EPHA5: variants seen among roughly 807,000 people sequenced by gnomAD.
EPHA5 encodes the protein EPH receptor A5.
A neutral mutation model predicts 105.0 loss-of-function variants in EPHA5; 60 were observed. The ratio of observed to expected loss-of-function variants is 0.57; its 90% CI spans 0.46 to 0.71. The LOEUF is 0.71. Ranked by LOEUF, EPHA5 falls within the 30% of genes least tolerant of loss-of-function variation. The probability of loss-of-function intolerance (pLI) is 0.00; values close to 1 mark genes in which losing one functional copy is unlikely to be tolerated. For synonymous variants in EPHA5, 513 were observed against 449.1 expected, an observed-to-expected ratio of 1.14 and a Z score of -1.80; for missense variants, 1,218 against 1,274.7, an observed-to-expected ratio of 0.96 and a Z score of 0.68.
chr4:65,647,101 G>T (rs1196895683), intron 1 of EPHA5, among the ~76,000 whole-genome samples: 1 of 151,946 alleles, frequency 6.6e-6, no homozygotes, highest in African/African-American at 2.4e-5. Flanking sequence ...GGCTGAGGCG[G>T]GTGGATCATG....
At chr4:65,456,606 G>A (rs1727616858) in intron 5 of EPHA5, among the ~76,000 whole-genome samples, 1 of 152,062 alleles carries the variant, frequency 6.6e-6, no homozygotes. Context: ...TCTTGGAAAT[G>A]TTTAATTAAA....
intron 3 of EPHA5, among the ~76,000 whole-genome samples, chr4:65,572,389 G>A (rs781543733): frequency 3.9e-5 from 6 of 152,120 alleles, no homozygotes; most frequent in Non-Finnish European, 8.8e-5. Flanking sequence ...AGGCATGCTA[G>A]TGATGATTAT....
intron 11 of EPHA5, among the ~76,000 whole-genome samples, chr4:65,358,024 TATG>T (rs1723473870): frequency 1.3e-5 from 2 of 151,402 alleles, no homozygotes; most frequent in Admixed American, 1.3e-4. Context: ...TTTCTCAGAA[TATG>T]ATATCTGACA....
chr4:65,484,185 C>G (rs1360793758), intron 5 of EPHA5, among the ~76,000 whole-genome samples: 1 of 152,010 alleles, frequency 6.6e-6, no homozygotes, highest in Admixed American at 6.6e-5. Context: ...AGATTGCCAA[C>G]AAGTATTTGC....
intron 2 of EPHA5, among the ~76,000 whole-genome samples, chr4:65,609,803 TTTATGATTTAATC>T (rs1254474930): frequency 0.034 from 5,196 of 152,086 alleles, 277 homozygotes; most frequent in African/African-American, 0.12. Context: ...ATTAGAACAG[TTTATGATTTAATC>T]AAGAAAAGTA....
chr4:65,494,660 G>A (rs2149222982), intron 4 of EPHA5, among the ~76,000 whole-genome samples: 1 of 152,264 alleles, frequency 6.6e-6, no homozygotes, highest in South Asian at 2.1e-4. Context: ...AGAATTAAAT[G>A]TTTACTATTC....
At chr4:65,467,657 G>A (rs1728849041) in intron 5 of EPHA5, among the ~76,000 whole-genome samples, 1 of 152,174 alleles carries the variant, frequency 6.6e-6, no homozygotes, top group South Asian at 2.1e-4. Flanking sequence ...CAGAGCCATT[G>A]TTGTAGGCAT....
chr4:65,472,201 C>G (rs1271308799), intron 5 of EPHA5, among the ~76,000 whole-genome samples: 1 of 152,162 alleles, frequency 6.6e-6, no homozygotes, highest in Non-Finnish European at 1.5e-5. Context: ...AATCTTAAAG[C>G]TACAAAATCA....
chr4:65,429,807 T>A (rs1238413240), intron 5 of EPHA5, among the ~76,000 whole-genome samples: 1 of 152,112 alleles, frequency 6.6e-6, no homozygotes, highest in Admixed American at 6.5e-5. Context: ...TGACATGATT[T>A]CTTCAAAATC....
intron 8 of EPHA5, chr4:65,377,049 C>G (rs2148920178): frequency 6.2e-7 from 1 of 1,608,988 alleles, no homozygotes; most frequent in Non-Finnish European, 8.5e-7. Flanking sequence ...CCTCCCACAG[C>G]CACATTCGCA....
At chr4:65,547,962 A>C (rs1438496151) in intron 3 of EPHA5, among the ~76,000 whole-genome samples, 1 of 152,022 alleles carries the variant, frequency 6.6e-6, no homozygotes, top group Non-Finnish European at 1.5e-5. Context: ...TAGGTCCTGA[A>C]TCAAAAGAAA....
At chr4:65,454,536 A>G (rs1727385768) in intron 5 of EPHA5, among the ~76,000 whole-genome samples, 2 of 152,210 alleles carry the variant, frequency 1.3e-5, no homozygotes, top group Non-Finnish European at 2.9e-5. Context: ...CCATAGATTC[A>G]ACAGCTTCTA....
chr4:65,404,291 G>T, intron 8 of EPHA5, 83 bp downstream of exon 8: 3 of 1,083,778 alleles, frequency 2.8e-6, no homozygotes, highest in South Asian at 1.3e-5. Context: ...TTTGTTTTGG[G>T]ATGTGCTCAA....
intron 2 of EPHA5, among the ~76,000 whole-genome samples, chr4:65,631,241 C>T (rs539961297): frequency 6.6e-6 from 1 of 152,076 alleles, no homozygotes; most frequent in Non-Finnish European, 1.5e-5. Flanking sequence ...AGTATGCATT[C>T]CTGTTTTGAT....
chr4:65,496,279 GC>G (rs1347718756), intron 3 of EPHA5, among the ~76,000 whole-genome samples: 2 of 151,234 alleles, frequency 1.3e-5, no homozygotes, highest in African/African-American at 2.4e-5. Flanking sequence ...TGCACAATGT[GC>G]AGGTTAGTTA....
At chr4:65,575,841 G>C (rs1277929227) in intron 3 of EPHA5, among the ~76,000 whole-genome samples, 1 of 151,478 alleles carries the variant, frequency 6.6e-6, no homozygotes, top group Non-Finnish European at 1.5e-5. Flanking sequence ...GGCAGGCGTA[G>C]TGATGGGCGC....
chr4:65,529,815 A>G (rs538793407), intron 3 of EPHA5, among the ~76,000 whole-genome samples: 41 of 152,142 alleles, frequency 2.7e-4, no homozygotes, highest in Non-Finnish European at 4.6e-4. Context: ...TTAATAGTCT[A>G]CAAATAACTC....
At chr4:65,491,154 G>A (rs73223837) in intron 4 of EPHA5, among the ~76,000 whole-genome samples, 22,792 of 150,370 alleles carry the variant, frequency 0.15, 1,833 homozygotes, top group East Asian at 0.2. Context: ...AATTTTCAGC[G>A]TAGCTCCTGA....
At chr4:65,559,080 A>G in intron 3 of EPHA5, among the ~76,000 whole-genome samples, 1 of 152,134 alleles carries the variant, frequency 6.6e-6, no homozygotes, top group East Asian at 1.9e-4. Context: ...AAAAATCAAA[A>G]TTAAGAAAAG....
Sources: allele counts gnomAD v4.1 joint callset (sites outside exome capture counted in the v4.1 genomes callset), GRCh38; gene constraint gnomAD v4.1.1; transcripts MANE v1.5; gene names NCBI Gene and HGNC (gene_info 2026-07-23, HGNC 2026-07-21).